The following NRAS variants were observed in gnomAD, a reference collection of about 807,000 sequenced individuals.
NRAS encodes the protein GTPase NRas.
NRAS carries 6 observed loss-of-function variants against 21.3 expected under a neutral mutation model. The observed-to-expected ratio is 0.28, with a 90% confidence interval of 0.15 to 0.56. The LOEUF is 0.56. Ranked by LOEUF, NRAS falls within the 20% of genes least tolerant of loss-of-function variation. NRAS has a pLI of 0.93. For synonymous variants in NRAS, 84 were observed against 82.0 expected (o/e 1.02, Z -0.13); for missense variants, 143 against 231.3 (o/e 0.62, Z 2.48).
intron 3 of NRAS, among the ~76,000 whole-genome samples, chr1:114,710,783 G>C (rs1444713624): frequency 2.0e-5 from 3 of 152,218 alleles, no homozygotes; most frequent in Admixed American, 2.0e-4. Context: ...ACCTTCTAAT[G>C]GGAGTGGATG....
chr1:114,713,771 C>T (rs985190957), intron 3 of NRAS, 29 bp downstream of exon 3: 1 of 1,574,750 alleles, frequency 6.4e-7, no homozygotes, highest in Non-Finnish European at 8.7e-7. Context: ...CAAAGATCAT[C>T]CTTTCAGAGA....
At chr1:114,713,037 A>C (rs1192975801) in intron 3 of NRAS, among the ~76,000 whole-genome samples, 1 of 152,248 alleles carries the variant, frequency 6.6e-6, no homozygotes, top group Non-Finnish European at 1.5e-5. Flanking sequence ...CTGATTCTGC[A>C]AAATAAGAAT....
chr1:114,709,602 A>G lies in NRAS; in HGVS notation c.417T>C (p.Ile139=). 1 of 1,614,118 alleles carries G rather than the reference A, an allele frequency of 6.2e-7. No individual in the cohort carries two copies. The highest frequency in any genetic ancestry group is 8.5e-7 in the Non-Finnish European group (1 of 1,179,962). The change falls in exon 4 of 7, where the codon ATT becomes ATC. Residue 139 remains isoleucine (I), a synonymous_variant. Coordinates refer to ENST00000369535, the MANE Select transcript of NRAS (RefSeq NM_002524.5). The part of the protein sequence containing the change: ...QAHELAKSYG[I]PFIETSAKTR... ...TCTTGGCTGAGGTTTCAATGAATGG[A>G]ATCCCGTAACTCTTGGCCAGTTCGT...
chr1:114,710,354 T>C (rs1176409701), intron 3 of NRAS, among the ~76,000 whole-genome samples: 14 of 144,414 alleles, frequency 9.7e-5, no homozygotes. Flanking sequence ...AAAATATATA[T>C]ACAATATATA....
Sources: gnomAD v4.1 joint callset for allele counts (sites outside exome capture counted in the v4.1 genomes callset) on GRCh38, gnomAD v4.1.1 for gene constraint, MANE v1.5 for transcripts, NCBI Gene and HGNC (gene_info 2026-07-23, HGNC 2026-07-21) for gene names.